The following GALNT5 variants were observed in gnomAD, a reference collection of about 807,000 sequenced individuals.
The protein encoded by GALNT5 is polypeptide N-acetylgalactosaminyltransferase 5.
In GALNT5, 72 loss-of-function variants were observed where a neutral mutation model predicts 85.4. The observed-to-expected ratio is 0.84, with a 90% CI of 0.70 to 1.03. The LOEUF (loss-of-function observed/expected upper bound fraction) is 1.03, where lower values mean the gene tolerates loss of function less well. Ranked by LOEUF, GALNT5 falls within the 50% of genes least tolerant of loss-of-function variation. The pLI is 0.00. For missense variants in GALNT5, 1,137 were observed against 1,135.5 expected, an observed-to-expected ratio of 1.00 and a Z score of -0.02; for synonymous variants, 404 against 397.0, an observed-to-expected ratio of 1.02 and a Z score of -0.21.
Position 157,314,280 on chromosome 2 carries a change from C to A in GALNT5, c.*2932C>A, listed in dbSNP as rs1436492050. 2.0e-5 allele frequency: 3 copies of A among 151,686 alleles called. No homozygotes were observed. Among genetic ancestry groups the A allele is most frequent in the Non-Finnish European group, 4.4e-5 (3 of 67,986 alleles). The allele number at this position is 151,686 out of a possible 1,614,324, so 9.4% of individuals were successfully genotyped here. On this transcript the variant is annotated 3_prime_UTR_variant, in exon 10 of 10. Coordinates refer to ENST00000259056, the MANE Select transcript of GALNT5 (RefSeq NM_014568.3). Reference sequence around the variant, plus strand: ...CAAGGGTGGTCTTGATAATATTTGACAGCACTAACCAACTTACCAAGCCAT... The same window carrying A: ...CAAGGGTGGTCTTGATAATATTTGAAAGCACTAACCAACTTACCAAGCCAT...
intron 6 of GALNT5, 51 bp from the exon 7 acceptor site, chr2:157,300,625 G>T: frequency 7.1e-7 from 1 of 1,409,614 alleles, no homozygotes; most frequent in South Asian, 1.2e-5. Context: ...AAGTGCCGAT[G>T]ATTTGTGGAT....
At chr2:157,298,163 T>A (rs913979294) in intron 5 of GALNT5, among the ~76,000 whole-genome samples, 6 of 152,110 alleles carry the variant, frequency 3.9e-5, no homozygotes, top group African/African-American at 1.4e-4. Context: ...CATGCCGACT[T>A]CCTAAAGCTG....
At chr2:157,295,623 T>C (rs1683196021) in intron 3 of GALNT5, 40 bp from the exon 4 acceptor site, 2 of 1,552,830 alleles carry the variant, frequency 1.3e-6, no homozygotes, top group Non-Finnish European at 8.8e-7. Context: ...ATTCAATATA[T>C]CGTATTTTCT....
In GALNT5 at chr2:157,290,087, G is replaced by A. The variant is rs1478945024; in HGVS notation, c.1741+3953G>A. Among the ~76,000 whole-genome samples, 198 of 131,636 alleles carry A rather than the reference G, an allele frequency of 1.5e-3. 3 individuals carry two copies. The highest frequency in any genetic ancestry group is 6.3e-3 in the African/African-American group (190 of 29,992). 86.4% of individuals were successfully genotyped at this position (131,636 alleles called of 152,430 possible). ...AAATTCTGTCTCAAAAAAAAAAAAT[G>A]TATATATATATATATATATATATAT... On this transcript the variant is annotated intron_variant, in intron 3 of 9. Transcript: ENST00000259056.
At chr2:157,304,851 A>G (rs1420726307) in intron 7 of GALNT5, among the ~76,000 whole-genome samples, 2 of 152,214 alleles carry the variant, frequency 1.3e-5, no homozygotes, top group East Asian at 1.9e-4. Flanking sequence ...GTGAGCATCC[A>G]GTCTGCATCA....
intron 3 of GALNT5, among the ~76,000 whole-genome samples, chr2:157,292,619 T>C (rs1683123628): frequency 6.6e-6 from 1 of 152,102 alleles, no homozygotes; most frequent in South Asian, 2.1e-4. Flanking sequence ...TTTGACTTCA[T>C]AAGGCTGCTA....
Position 157,258,570 on chromosome 2 carries a change from C to G in GALNT5, c.488C>G (p.Thr163Arg). 1.2e-6 allele frequency: 2 copies of G among 1,613,262 alleles called. No individual in the cohort carries two copies. Among genetic ancestry groups the G allele is most frequent in the Non-Finnish European group, 1.7e-6 (2 of 1,179,880 alleles). The change falls in exon 1 of 10, where the codon ACG becomes AGG. Residue 163 changes from threonine (T) to arginine (R), a missense_variant. Coordinates refer to ENST00000259056, the MANE Select transcript of GALNT5 (RefSeq NM_014568.3). ...ASSHQGTPKQ[T>R]TAQGAPKTSF... The stretch of plus-strand genomic sequence containing the variant: ...TCTCACCAGGGGACACCAAAGCAAA[C>G]GACAGCTCAGGGGGCTCCAAAGACC...
At chr2:157,297,127 AG>A (rs1391767996) in intron 5 of GALNT5, among the ~76,000 whole-genome samples, 3 of 152,224 alleles carry the variant, frequency 2.0e-5, no homozygotes, top group Admixed American at 6.5e-5. Context: ...AGCCAGCCAC[AG>A]GAAGAGCTGC....
intron 1 of GALNT5, among the ~76,000 whole-genome samples, chr2:157,273,132 GCCC>G (rs1330917371): frequency 7.2e-5 from 11 of 151,788 alleles, no homozygotes; most frequent in Admixed American, 6.6e-4. Flanking sequence ...TTGTGCTCTA[GCCC>G]CACCAATTCT....
chr2:157,315,513 T>A lies in GALNT5; in HGVS notation c.*4165T>A, dbSNP rs1053559202. Among the ~76,000 whole-genome samples the A allele has an allele frequency of 2.0e-5, 3 of 152,184 alleles. No homozygotes were observed. Among genetic ancestry groups the A allele is most frequent in the Admixed American group, 2.0e-4 (3 of 15,280 alleles). On this transcript the variant is annotated 3_prime_UTR_variant, in exon 10 of 10. Transcript: ENST00000259056. ...GATTACTGATGCCACAGTATTGAGA[T>A]GAGATTGAATTAAACCCCTTTGGCC...
At position 157,308,532 on chromosome 2, in the gene GALNT5, G is replaced by A. The variant is rs756675050; in HGVS notation, c.2521-35G>A. ...GACAAAGCCCCTGCCTGTGTTTGCT[G>A]CCTGAAGTGACCTCTTTATTCATTT... On this transcript the variant is annotated intron_variant, in intron 8 of 9. Transcript: ENST00000259056. 1.9e-6 allele frequency: 3 copies of A among 1,563,082 alleles called. No individual in the cohort carries two copies. In the African/African-American group the frequency reaches 4.1e-5, roughly 21 times the overall value.
At chr2:157,259,666 T>A (rs947201014) in intron 1 of GALNT5, 130 bp downstream of exon 1, 7 of 619,094 alleles carry the variant, frequency 1.1e-5, no homozygotes, top group Admixed American at 3.2e-5. Flanking sequence ...AATCATTGGA[T>A]ATCATTCAAA....
intron 1 of GALNT5, among the ~76,000 whole-genome samples, chr2:157,267,843 C>G (rs1682490812): frequency 6.6e-6 from 1 of 152,178 alleles, no homozygotes; most frequent in Admixed American, 6.5e-5. Flanking sequence ...GTGATTTTGA[C>G]TGAATGTCAT....
chr2:157,297,696 A>C (rs1032544469), intron 5 of GALNT5, among the ~76,000 whole-genome samples: 3 of 152,162 alleles, frequency 2.0e-5, no homozygotes, highest in Non-Finnish European at 4.4e-5. Context: ...ATGGTGGCGG[A>C]GGGGAGAGAG....
intron 1 of GALNT5, among the ~76,000 whole-genome samples, chr2:157,266,604 T>C (rs1682463796): frequency 6.6e-6 from 1 of 152,178 alleles, no homozygotes; most frequent in South Asian, 2.1e-4. Context: ...TGTTTGTATC[T>C]AAGCAATCCT....
At chr2:157,290,186 A>G (rs1424183045) in intron 3 of GALNT5, among the ~76,000 whole-genome samples, 1 of 151,540 alleles carries the variant, frequency 6.6e-6, no homozygotes, top group Non-Finnish European at 1.5e-5. Context: ...ATAAATAATA[A>G]ATTTATAAAT....
At chr2:157,294,580 A>C (rs752267531) in intron 3 of GALNT5, among the ~76,000 whole-genome samples, 13 of 152,160 alleles carry the variant, frequency 8.5e-5, no homozygotes, top group Non-Finnish European at 1.2e-4. Context: ...GGAGGGTCTG[A>C]GACCTGGACC....
rs1683610764 is a variant in GALNT5, at chr2:157,313,036, G to A, written c.*1688G>A. 1 of 152,060 alleles carries A rather than the reference G, an allele frequency of 6.6e-6. No individual in the cohort carries two copies. Among genetic ancestry groups the A allele is most frequent in the South Asian group, 2.1e-4 (1 of 4,826 alleles). 9.4% of individuals were successfully genotyped at this position (152,060 alleles called of 1,614,324 possible). A position where few individuals can be genotyped will look rare whatever the true frequency, so the allele number is the denominator to read the frequency against. On this transcript the variant is annotated 3_prime_UTR_variant, in exon 10 of 10. Transcript: ENST00000259056. ...GAAAAAGAACTATTTCTGCACATTT[G>A]TAACATATTTAAGATGTTTTCTTCA...
At chr2:157,270,633 C>T (rs1682562706) in intron 1 of GALNT5, among the ~76,000 whole-genome samples, 1 of 152,204 alleles carries the variant, frequency 6.6e-6, no homozygotes, top group South Asian at 2.1e-4. Context: ...TCCATTCATT[C>T]ATGCATTCAA....
Sources: gnomAD v4.1 joint callset for allele counts (sites outside exome capture counted in the v4.1 genomes callset) on GRCh38, gnomAD v4.1.1 for gene constraint, MANE v1.5 for transcripts, NCBI Gene and HGNC (gene_info 2026-07-23, HGNC 2026-07-21) for gene names.